Variants in LINGO1 observed in about 807,000 individuals in gnomAD.
The protein encoded by LINGO1 is leucine rich repeat and Ig domain containing 1.
LINGO1 carries 11 observed loss-of-function variants against 37.3 expected under a neutral mutation model. The observed-to-expected ratio is 0.29, with a 90% CI of 0.19 to 0.49. The LOEUF is 0.49. Ranked by LOEUF, LINGO1 falls within the 20% of genes least tolerant of loss-of-function variation. The pLI, the probability that LINGO1 is intolerant of heterozygous loss-of-function variation, is 0.99. For missense variants in LINGO1, 585 were observed against 878.2 expected (o/e 0.67, Z 4.22); for synonymous variants, 387 against 403.0 (o/e 0.96, Z 0.48).
intron 1 of LINGO1, among the ~76,000 whole-genome samples, chr15:77,737,363 G>A (rs1376297692): frequency 6.6e-6 from 1 of 152,000 alleles, no homozygotes; most frequent in African/African-American, 2.4e-5. Flanking sequence ...CAAAGCCACA[G>A]AGCAGAGCAA....
At chr15:77,684,402 C>T (rs1056700240) in intron 2 of LINGO1, among the ~76,000 whole-genome samples, 2 of 152,192 alleles carry the variant, frequency 1.3e-5, no homozygotes, top group Non-Finnish European at 2.9e-5. Context: ...GTAAGTGGAC[C>T]TAGGCAGAGG....
intron 1 of LINGO1, among the ~76,000 whole-genome samples, chr15:77,749,876 A>G (rs2141364373): frequency 6.6e-6 from 1 of 152,218 alleles, no homozygotes; most frequent in South Asian, 2.1e-4. Context: ...TAGGGTGCGG[A>G]ACCGGACTTT....
intron 1 of LINGO1, among the ~76,000 whole-genome samples, chr15:77,771,824 C>T (rs1263115079): frequency 1.3e-5 from 2 of 152,224 alleles, no homozygotes; most frequent in Non-Finnish European, 2.9e-5. Flanking sequence ...GGGCTCAGCT[C>T]TGCATGCCTG....
At chr15:77,617,491 C>T (rs2073768753) in intron 1 of LINGO1, among the ~76,000 whole-genome samples, 1 of 152,180 alleles carries the variant, frequency 6.6e-6, no homozygotes, top group African/African-American at 2.4e-5. Flanking sequence ...CTGCTGTGTC[C>T]ACACCCTGTA....
intron 2 of LINGO1, among the ~76,000 whole-genome samples, chr15:77,792,953 A>C (rs1040840337): frequency 1.1e-4 from 16 of 152,344 alleles, no homozygotes; most frequent in African/African-American, 3.8e-4. Context: ...AGATGTGCAC[A>C]GGGAGGGTGG....
At chr15:77,727,682 C>T (rs2076116028) in intron 2 of LINGO1, among the ~76,000 whole-genome samples, 1 of 151,388 alleles carries the variant, frequency 6.6e-6, no homozygotes, top group Non-Finnish European at 1.5e-5. Flanking sequence ...GTTCACACTG[C>T]CTTACTGTGC....
At chr15:77,719,277 A>C (rs973924203) in intron 2 of LINGO1, among the ~76,000 whole-genome samples, 1 of 149,938 alleles carries the variant, frequency 6.7e-6, no homozygotes, top group Middle Eastern at 3.4e-3. Flanking sequence ...TGGAGTGAGG[A>C]ACCCCACAAA....
chr15:77,811,619 C>T (rs2077006623), intron 1 of LINGO1, among the ~76,000 whole-genome samples: 1 of 152,236 alleles, frequency 6.6e-6, no homozygotes, highest in African/African-American at 2.4e-5. Flanking sequence ...CCCTTCACTG[C>T]TATGTGACCT....
upstream of LINGO1, among the ~76,000 whole-genome samples, chr15:77,789,391 G>T (rs995483501): frequency 6.6e-6 from 1 of 152,170 alleles, no homozygotes; most frequent in Non-Finnish European, 1.5e-5. Flanking sequence ...TGGATCATCT[G>T]CAGTCAGGAG....
rs1044075796 is a variant in LINGO1, at chr15:77,613,698, G to A, written c.*346C>T. The A allele has an allele frequency of 7.2e-6, 2 of 278,822 alleles. No homozygotes were observed. The highest frequency in any genetic ancestry group is 1.3e-4 in the East Asian group (2 of 15,742). The allele number at this position is 278,822 out of a possible 1,614,324, so 17.3% of individuals were successfully genotyped here. The stretch of plus-strand genomic sequence containing the variant: ...TTTTTTTCTCTTTTTATTATTTCAA[G>A]TTTTCATAAAAATCCATAATTATTG... On this transcript the variant is annotated 3_prime_UTR_variant, in exon 2 of 2. Transcript: ENST00000355300.
At chr15:77,784,168 G>A (rs1460950070) in intron 1 of LINGO1, among the ~76,000 whole-genome samples, 1 of 152,246 alleles carries the variant, frequency 6.6e-6, no homozygotes, top group African/African-American at 2.4e-5. Flanking sequence ...CGGGGTCTCC[G>A]GGAGGTCCCA....
intron 1 of LINGO1, among the ~76,000 whole-genome samples, chr15:77,763,600 T>G (rs900085125): frequency 6.6e-6 from 1 of 150,934 alleles, no homozygotes; most frequent in Non-Finnish European, 1.5e-5. Context: ...CCCCCATAGC[T>G]CTCCTCAGGG....
chr15:77,615,676 G>A lies in LINGO1; in HGVS notation c.231C>T (p.Asp77=). 1.2e-6 allele frequency: 2 copies of A among 1,607,380 alleles called. No homozygotes were observed. The highest frequency in any genetic ancestry group is 1.7e-4 in the Middle Eastern group (1 of 6,044). Residue 77 remains aspartate, a synonymous_variant, in exon 2 of 2, where the codon GAC becomes GAT. Transcript: ENST00000355300. ...GCGTTTTGATGCGGTTCTTGCCTAG[G>A]TCCAGCAGGCGCGTCTCGGTGGGGA... ...EGIPTETRLL[D]LGKNRIKTLN...
chr15:77,717,876 G>A (rs2076003821), intron 2 of LINGO1, among the ~76,000 whole-genome samples: 1 of 150,892 alleles, frequency 6.6e-6, no homozygotes, highest in Admixed American at 6.6e-5. Context: ...GGGCCCAAGG[G>A]GGCCCGAGTG....
At chr15:77,645,306 A>T (rs2074600579) in intron 3 of LINGO1, among the ~76,000 whole-genome samples, 1 of 152,180 alleles carries the variant, frequency 6.6e-6, no homozygotes. Flanking sequence ...AGACGCTGGG[A>T]CAGCAGGCCC....
At chr15:77,698,070 G>A (rs1422112174), upstream of LINGO1, among the ~76,000 whole-genome samples, 2 of 152,170 alleles carry the variant, frequency 1.3e-5, no homozygotes, top group Admixed American at 6.5e-5. Context: ...GCAGGCGGAA[G>A]GACAGGAGGA....
chr15:77,674,359 C>T (rs2075296198), intron 3 of LINGO1, among the ~76,000 whole-genome samples: 1 of 152,214 alleles, frequency 6.6e-6, no homozygotes, highest in Non-Finnish European at 1.5e-5. Context: ...TTCACAGCTG[C>T]CAGAGGGATC....
intron 1 of LINGO1, among the ~76,000 whole-genome samples, chr15:77,752,692 C>T (rs2076383625): frequency 1.3e-5 from 2 of 152,172 alleles, no homozygotes; most frequent in South Asian, 2.1e-4. Flanking sequence ...ATTCTGACAC[C>T]AGAGCAGGCT....
intron 1 of LINGO1, among the ~76,000 whole-genome samples, chr15:77,783,623 C>A (rs1314367280): frequency 6.6e-6 from 1 of 152,188 alleles, no homozygotes; most frequent in African/African-American, 2.4e-5. Context: ...TGGGGATAAT[C>A]CCAGGTCCCA....
Sources: allele counts gnomAD v4.1 joint callset (sites outside exome capture counted in the v4.1 genomes callset), GRCh38; gene constraint gnomAD v4.1.1; transcripts MANE v1.5; gene names NCBI Gene and HGNC (gene_info 2026-07-23, HGNC 2026-07-21).